The following SGCZ variants were observed in gnomAD, a reference collection of about 807,000 sequenced individuals.
SGCZ encodes the protein zeta-sarcoglycan.
In SGCZ, 40 loss-of-function variants were observed where a neutral mutation model predicts 41.3. The observed-to-expected ratio is 0.97, with a 90% confidence interval of 0.75 to 1.26. The LOEUF is 1.26. SGCZ is among the 50% of genes most tolerant of loss of function. SGCZ has a pLI of 0.00. For missense variants in SGCZ, 552 were observed against 369.8 expected, an observed-to-expected ratio of 1.49 and a Z score of -4.04; for synonymous variants, 206 against 137.5, an observed-to-expected ratio of 1.50 and a Z score of -3.49.
At chr8:14,650,647 A>G (rs913281041) in intron 1 of SGCZ, among the ~76,000 whole-genome samples, 3 of 152,000 alleles carry the variant, frequency 2.0e-5, no homozygotes. Context: ...ATGAAAAAGA[A>G]GCTTCAATTC....
intron 1 of SGCZ, among the ~76,000 whole-genome samples, chr8:14,677,264 T>C (rs1251806679): frequency 6.6e-6 from 1 of 151,764 alleles, no homozygotes; most frequent in Non-Finnish European, 1.5e-5. Flanking sequence ...ATAAAAGATA[T>C]ATATAAAGAA....
chr8:14,494,105 T>A (rs1443605150), intron 2 of SGCZ, among the ~76,000 whole-genome samples: 1 of 152,018 alleles, frequency 6.6e-6, no homozygotes, highest in Admixed American at 6.6e-5. Flanking sequence ...ATGGACAGAG[T>A]TTCTTGCTTC....
chr8:14,407,917 G>A (rs892296986), intron 2 of SGCZ, among the ~76,000 whole-genome samples: 3 of 152,098 alleles, frequency 2.0e-5, no homozygotes, highest in East Asian at 3.9e-4. Flanking sequence ...TGAGTCTCAC[G>A]TTTTTGCTTT....
intron 1 of SGCZ, among the ~76,000 whole-genome samples, chr8:14,683,252 T>C (rs1278518758): frequency 1.3e-5 from 2 of 152,054 alleles, no homozygotes; most frequent in Non-Finnish European, 2.9e-5. Context: ...ACGATTACAA[T>C]CCATTTTATA....
chr8:14,231,427 G>C (rs968505924), intron 4 of SGCZ, among the ~76,000 whole-genome samples: 3 of 151,816 alleles, frequency 2.0e-5, no homozygotes, highest in African/African-American at 7.3e-5. Context: ...AAACAAACAG[G>C]TCCAGCCACA....
chr8:14,541,764 C>A (rs1242866863), intron 2 of SGCZ, among the ~76,000 whole-genome samples: 1 of 152,082 alleles, frequency 6.6e-6, no homozygotes, highest in Non-Finnish European at 1.5e-5. Context: ...TAAAAGCAGT[C>A]CTATTTCTCC....
intron 2 of SGCZ, among the ~76,000 whole-genome samples, chr8:14,446,036 C>T (rs1030591471): frequency 5.3e-5 from 8 of 152,122 alleles, no homozygotes; most frequent in Non-Finnish European, 1.0e-4. Context: ...AAAGTTTGTC[C>T]CTGTCATGAG....
intron 1 of SGCZ, among the ~76,000 whole-genome samples, chr8:14,657,618 T>C (rs999509568): frequency 2.6e-5 from 4 of 152,112 alleles, no homozygotes; most frequent in African/African-American, 9.7e-5. Flanking sequence ...CCAATTAATA[T>C]TGCATTACTT....
chr8:14,482,689 C>T (rs1430639118), intron 2 of SGCZ, among the ~76,000 whole-genome samples: 2 of 151,942 alleles, frequency 1.3e-5, no homozygotes, highest in Non-Finnish European at 2.9e-5. Flanking sequence ...AAGCAGATGG[C>T]CCTCCCCAAT....
chr8:14,164,364 C>T (rs754315368), intron 5 of SGCZ, among the ~76,000 whole-genome samples: 37 of 152,110 alleles, frequency 2.4e-4, no homozygotes, highest in Non-Finnish European at 4.9e-4. Flanking sequence ...TGAGAGATGG[C>T]TTTACTTTTA....
intron 2 of SGCZ, among the ~76,000 whole-genome samples, chr8:14,400,233 A>G (rs1326620239): frequency 1.3e-5 from 2 of 152,132 alleles, no homozygotes; most frequent in Admixed American, 6.6e-5. Flanking sequence ...TTCATTATTT[A>G]TATAGCAGAT....
intron 1 of SGCZ, among the ~76,000 whole-genome samples, chr8:14,580,110 G>A (rs1008825679): frequency 1.1e-4 from 16 of 152,180 alleles, no homozygotes; most frequent in Admixed American, 1.0e-3. Flanking sequence ...CCCGGAGAAA[G>A]ACAGACCTAA....
chr8:14,439,316 T>C (rs1485010625), intron 2 of SGCZ, among the ~76,000 whole-genome samples: 1 of 147,812 alleles, frequency 6.8e-6, no homozygotes, highest in Non-Finnish European at 1.5e-5. Flanking sequence ...AAGAAATATA[T>C]ATATATATAT....
intron 2 of SGCZ, among the ~76,000 whole-genome samples, chr8:14,415,602 G>C (rs1358991329): frequency 6.6e-6 from 1 of 151,902 alleles, no homozygotes; most frequent in Admixed American, 6.6e-5. Context: ...ATCTTTCACA[G>C]GATTTTAGTT....
At chr8:14,380,673 G>A (rs1804328071) in intron 2 of SGCZ, among the ~76,000 whole-genome samples, 1 of 152,148 alleles carries the variant, frequency 6.6e-6, no homozygotes. Context: ...CCAACATGGT[G>A]AATCCCAGTC....
At position 14,778,117 on chromosome 8, in the gene SGCZ, G is replaced by A. The variant is rs373827482; in HGVS notation, c.40-223191C>T. On this transcript the variant is annotated intron_variant, in intron 1 of 7. Coordinates refer to ENST00000382080, the MANE Select transcript of SGCZ (RefSeq NM_139167.4). ...AATTTTTTTTTGTTTTTGTAAAGAT[G>A]AGGTCTCAACTGATTGTCCCGGCTA... 4.6e-5 allele frequency among the ~76,000 whole-genome samples: 7 copies of A among 152,010 alleles called. 3 individuals are homozygous for A. The highest frequency in any genetic ancestry group is 1.7e-4 in the African/African-American group (7 of 41,500).
intron 1 of SGCZ, among the ~76,000 whole-genome samples, chr8:15,114,179 C>G (rs1807176136): frequency 6.6e-6 from 1 of 152,114 alleles, no homozygotes; most frequent in Non-Finnish European, 1.5e-5. Flanking sequence ...TCTAGGTAAT[C>G]AAGTTTCTGA....
At chr8:14,754,757 G>C (rs1363966205) in intron 1 of SGCZ, among the ~76,000 whole-genome samples, 1 of 152,100 alleles carries the variant, frequency 6.6e-6, no homozygotes, top group Non-Finnish European at 1.5e-5. Context: ...ACCTAGGCTG[G>C]AGTGCAGTGG....
chr8:14,559,917 G>C (rs1339959513), intron 1 of SGCZ, among the ~76,000 whole-genome samples: 1 of 151,852 alleles, frequency 6.6e-6, no homozygotes, highest in Admixed American at 6.6e-5. Flanking sequence ...CTCTGATTTG[G>C]CGTAGATGTG....
Sources: allele counts gnomAD v4.1 joint callset (sites outside exome capture counted in the v4.1 genomes callset), GRCh38; gene constraint gnomAD v4.1.1; transcripts MANE v1.5; gene names NCBI Gene and HGNC (gene_info 2026-07-23, HGNC 2026-07-21).